Variants in MGAT4C observed in about 807,000 individuals in gnomAD.
MGAT4C encodes MGAT4 family member C.
A neutral mutation model predicts 40.1 loss-of-function variants in MGAT4C; 19 were observed. The observed-to-expected ratio is 0.47, with a 90% CI of 0.33 to 0.70. The LOEUF is 0.70. MGAT4C is among the 30% of genes least tolerant of loss of function. MGAT4C has a pLI of 0.02. For synonymous variants in MGAT4C, 181 were observed against 187.1 expected (o/e 0.97, Z 0.27); for missense variants, 491 against 563.2 (o/e 0.87, Z 1.30).
intron 4 of MGAT4C, among the ~76,000 whole-genome samples, chr12:86,317,254 G>A (rs1278060659): frequency 6.6e-6 from 1 of 152,006 alleles, no homozygotes; most frequent in Non-Finnish European, 1.5e-5. Flanking sequence ...AGATGGCAGA[G>A]GCTGTGTGTT....
At chr12:86,769,897 G>T (rs1951597151) in intron 1 of MGAT4C, among the ~76,000 whole-genome samples, 1 of 152,000 alleles carries the variant, frequency 6.6e-6, no homozygotes, top group Non-Finnish European at 1.5e-5. Context: ...AGCATTAGGA[G>T]ATATACCTAA....
intron 2 of MGAT4C, among the ~76,000 whole-genome samples, chr12:86,512,539 T>C (rs1038725034): frequency 1.3e-5 from 2 of 152,092 alleles, no homozygotes; most frequent in Non-Finnish European, 2.9e-5. Flanking sequence ...TAATTGTCCA[T>C]TGATGTATAA....
intron 2 of MGAT4C, among the ~76,000 whole-genome samples, chr12:86,706,682 A>C (rs987015939): frequency 3.3e-5 from 5 of 152,206 alleles, no homozygotes; most frequent in Admixed American, 3.3e-4. Flanking sequence ...TTATTCCCTA[A>C]ATTATGAATT....
At chr12:86,065,611 T>C (rs1894463654) in intron 1 of MGAT4C, among the ~76,000 whole-genome samples, 1 of 152,162 alleles carries the variant, frequency 6.6e-6, no homozygotes, top group Admixed American at 6.5e-5. Context: ...TTATACTGAA[T>C]GGGCAAAAAC....
At chr12:86,356,185 A>C (rs1955305344) in intron 3 of MGAT4C, among the ~76,000 whole-genome samples, 1 of 152,224 alleles carries the variant, frequency 6.6e-6, no homozygotes, top group African/African-American at 2.4e-5. Context: ...AAAGAATCCA[A>C]GAAAAGGCTT....
chr12:86,644,527 T>C (rs891403221), intron 2 of MGAT4C, among the ~76,000 whole-genome samples: 1 of 151,742 alleles, frequency 6.6e-6, no homozygotes, highest in African/African-American at 2.4e-5. Context: ...AGAAAACTCT[T>C]AGGCATTATC....
chr12:86,382,206 G>C (rs1030951066), intron 3 of MGAT4C, among the ~76,000 whole-genome samples: 16 of 152,230 alleles, frequency 1.1e-4, no homozygotes, highest in Non-Finnish European at 2.9e-5. Context: ...AATCCAGGCT[G>C]AAGTGGTCTC....
At chr12:86,094,819 C>T (rs147832535) in intron 1 of MGAT4C, among the ~76,000 whole-genome samples, 2 of 152,154 alleles carry the variant, frequency 1.3e-5, no homozygotes, top group African/African-American at 4.8e-5. Flanking sequence ...TAAAAAGACT[C>T]AATTAGCACA....
intron 1 of MGAT4C, among the ~76,000 whole-genome samples, chr12:86,827,416 T>A (rs73395150): frequency 2.6e-5 from 4 of 151,532 alleles, no homozygotes; most frequent in South Asian, 4.1e-4. Flanking sequence ...TTTTTCTCAA[T>A]AGTATTTTTC....
At chr12:86,424,855 C>G (rs1592830198) in intron 3 of MGAT4C, among the ~76,000 whole-genome samples, 1 of 152,152 alleles carries the variant, frequency 6.6e-6, no homozygotes, top group African/African-American at 2.4e-5. Flanking sequence ...CTCCAGGGTT[C>G]AAGCAATTCT....
At chr12:86,238,178 T>A (rs1356707897) in intron 1 of MGAT4C, among the ~76,000 whole-genome samples, 1 of 151,958 alleles carries the variant, frequency 6.6e-6, no homozygotes, top group Non-Finnish European at 1.5e-5. Context: ...TTAAGGGGTA[T>A]GTAAATCCTT....
chr12:86,668,156 G>A (rs758172402), intron 2 of MGAT4C, among the ~76,000 whole-genome samples: 1 of 152,114 alleles, frequency 6.6e-6, no homozygotes, highest in Non-Finnish European at 1.5e-5. Context: ...TCCCAAGATG[G>A]CATATTAGGG....
intron 1 of MGAT4C, among the ~76,000 whole-genome samples, chr12:86,155,283 T>C (rs923960394): frequency 1.2e-4 from 18 of 152,174 alleles, no homozygotes; most frequent in Non-Finnish European, 1.8e-4. Flanking sequence ...AATAATTTTG[T>C]ATCAAAGTAT....
intron 3 of MGAT4C, among the ~76,000 whole-genome samples, chr12:86,391,977 C>T (rs781583239): frequency 2.0e-5 from 3 of 152,188 alleles, no homozygotes; most frequent in Non-Finnish European, 2.9e-5. Context: ...ATTTATTTAT[C>T]TTTTTAAAAT....
At chr12:86,618,024 GA>G (rs1962511815) in intron 2 of MGAT4C, among the ~76,000 whole-genome samples, 1 of 152,144 alleles carries the variant, frequency 6.6e-6, no homozygotes, top group Non-Finnish European at 1.5e-5. Context: ...CAAAGGATCT[GA>G]ATGGACATTT....
At chr12:86,648,686 A>C (rs1963614278) in intron 2 of MGAT4C, among the ~76,000 whole-genome samples, 1 of 151,892 alleles carries the variant, frequency 6.6e-6, no homozygotes, top group Non-Finnish European at 1.5e-5. Context: ...AACTGTGATA[A>C]ATAAGTGCTT....
chr12:86,110,306 A>ATAGAC (rs1555224783), intron 1 of MGAT4C, among the ~76,000 whole-genome samples: 2 of 15,170 alleles, frequency 1.3e-4, no homozygotes, highest in Non-Finnish European at 2.5e-4. Flanking sequence ...CTCTCTATAT[A>ATAGAC]TATATATATA....
rs189205478 is a variant in MGAT4C at position 86,379,008 on chromosome 12, T to C, written c.-119-44881A>G. ...TCTGAACTCTATCTTTTGCCAAAAA[T>C]GTATATCTAAACATCATATTGTATT... On this transcript the variant is annotated intron_variant, in intron 3 of 7. Coordinates refer to the MGAT4C transcript ENST00000548651. 9.3e-4 allele frequency among the ~76,000 whole-genome samples: 141 copies of C among 152,246 alleles called. 1 individual carries two copies. Among genetic ancestry groups the C allele is most frequent in the African/African-American group, 3.1e-3 (127 of 41,580 alleles).
At chr12:86,514,368 A>C (rs948613340) in intron 2 of MGAT4C, among the ~76,000 whole-genome samples, 1 of 152,230 alleles carries the variant, frequency 6.6e-6, no homozygotes, top group Non-Finnish European at 1.5e-5. Context: ...TACGTGGCTT[A>C]AAATGACACG....
Sources: gnomAD v4.1 joint callset for allele counts (sites outside exome capture counted in the v4.1 genomes callset) on GRCh38, gnomAD v4.1.1 for gene constraint, MANE v1.5 for transcripts, NCBI Gene and HGNC (gene_info 2026-07-23, HGNC 2026-07-21) for gene names.